Variants in DMD observed in about 807,000 individuals in gnomAD.
The protein encoded by DMD is mutant dystrophin.
DMD carries 63 observed loss-of-function variants against 330.1 expected under a neutral mutation model. The ratio of observed to expected loss-of-function variants is 0.19; its 90% CI spans 0.16 to 0.24. The LOEUF (loss-of-function observed/expected upper bound fraction) is 0.24. Ranked by LOEUF, DMD falls within the 10% of genes least tolerant of loss-of-function variation. The pLI is 1.00. For synonymous variants in DMD, 1,223 were observed against 959.8 expected, an observed-to-expected ratio of 1.27 and a Z score of -5.07; for missense variants, 3,344 against 2,684.1, an observed-to-expected ratio of 1.25 and a Z score of -5.43.
At chrX:32,277,163 C>A (rs1381531924) in intron 43 of DMD, among the ~76,000 whole-genome samples, 1 of 110,230 alleles carries the variant, frequency 9.1e-6, no homozygotes, top group Non-Finnish European at 1.9e-5. Flanking sequence ...AAATCGATAT[C>A]AGGACAAAAA....
chrX:32,020,511 G>A (rs1281439564), intron 44 of DMD, among the ~76,000 whole-genome samples: 1 of 111,730 alleles, frequency 9.0e-6, no homozygotes, highest in Non-Finnish European at 1.9e-5. Context: ...GTTCATATGG[G>A]TAGGACCTTA....
chrX:32,169,821 T>G (rs1011677122), intron 44 of DMD, among the ~76,000 whole-genome samples: 1 of 110,214 alleles, frequency 9.1e-6, no homozygotes, highest in Non-Finnish European at 1.9e-5. Flanking sequence ...TGTTGTGACA[T>G]TTTTTTCCTC....
chrX:32,689,786 T>C (rs2063139613), intron 9 of DMD, among the ~76,000 whole-genome samples: 1 of 110,974 alleles, frequency 9.0e-6, no homozygotes, highest in Non-Finnish European at 1.9e-5. Flanking sequence ...ACAGAATAAA[T>C]AAGAAGTCAC....
At chrX:32,962,681 AC>A (rs2091948878) in intron 2 of DMD, among the ~76,000 whole-genome samples, 1 of 111,876 alleles carries the variant, frequency 8.9e-6, no homozygotes, top group Admixed American at 9.5e-5. Context: ...TTTTATTAAA[AC>A]AAAATATGTC....
chrX:32,815,530 C>CACACAT (rs1183084731), intron 6 of DMD, among the ~76,000 whole-genome samples: 1 of 95,829 alleles, frequency 1.0e-5, no homozygotes, highest in African/African-American at 4.4e-5. Context: ...TACACACACA[C>CACACAT]ACACACATAT....
At chrX:32,641,408 G>GTA (rs72324944) in intron 11 of DMD, 7,681 of 94,027 alleles carry the variant, frequency 0.082, 272 homozygotes, top group East Asian at 0.16. Flanking sequence ...TATTTTATAC[G>GTA]TATATATATA....
intron 29 of DMD, among the ~76,000 whole-genome samples, chrX:32,423,998 T>G (rs187288812): frequency 9.0e-6 from 1 of 111,456 alleles, no homozygotes; most frequent in African/African-American, 3.3e-5. Flanking sequence ...TCTATTTTTC[T>G]TACATTAAAG....
chrX:31,294,922 G>A (rs1403591763), intron 62 of DMD, among the ~76,000 whole-genome samples: 1 of 112,439 alleles, frequency 8.9e-6, no homozygotes, highest in Admixed American at 9.4e-5. Flanking sequence ...TCATATTCAT[G>A]TGTGTTTCAG....
At chrX:31,820,752 C>A (rs1309809990) in intron 49 of DMD, among the ~76,000 whole-genome samples, 6 of 111,632 alleles carry the variant, frequency 5.4e-5, no homozygotes, top group Non-Finnish European at 1.1e-4. Flanking sequence ...AGGGCTACTT[C>A]AGCTGCAGAG....
intron 63 of DMD, among the ~76,000 whole-genome samples, chrX:31,248,564 T>A (rs911578961): frequency 2.7e-5 from 3 of 111,983 alleles, no homozygotes; most frequent in Non-Finnish European, 5.6e-5. Flanking sequence ...TCCCGAAATA[T>A]CTGCATAGAG....
intron 1 of DMD, among the ~76,000 whole-genome samples, chrX:33,077,232 G>A (rs2094856961): frequency 9.0e-6 from 1 of 111,365 alleles, no homozygotes; most frequent in Non-Finnish European, 1.9e-5. Flanking sequence ...CAAGTCCCAG[G>A]CAAGAAGGAA....
chrX:32,500,114 G>T (rs973566122), intron 19 of DMD, among the ~76,000 whole-genome samples: 1 of 110,347 alleles, frequency 9.1e-6, no homozygotes, highest in Non-Finnish European at 1.9e-5. Context: ...AACCAAACAG[G>T]AATGTCTCAA....
At chrX:33,179,517 C>G (rs994691517) in intron 1 of DMD, among the ~76,000 whole-genome samples, 1 of 109,370 alleles carries the variant, frequency 9.1e-6, no homozygotes, top group Non-Finnish European at 1.9e-5. Context: ...CGCAGTGAAA[C>G]CCCGTTTCTA....
At position 32,764,957 on chromosome X, in the gene DMD, G is replaced by GTT. The variant is rs35691071; in HGVS notation, c.649+44534_649+44535dup. Among the ~76,000 whole-genome samples, 13 of 91,933 alleles carry GTT rather than the reference G, an allele frequency of 1.4e-4. No individual in the cohort carries two copies. In the East Asian group the frequency reaches 2.5e-3, roughly 18 times the overall value. 79.8% of individuals were successfully genotyped at this position (91,933 alleles called of 115,157 possible). On this transcript the variant is annotated intron_variant, in intron 7 of 78. Coordinates refer to ENST00000357033, the MANE Select transcript of DMD (RefSeq NM_004006.3). ...ATCCTCAACCATATTTATTTTCTGG[G>GTT]TTTTTTTTTTTTTTTTTGGTGTTTT...
chrX:32,837,364 C>G (rs777770029), intron 4 of DMD, among the ~76,000 whole-genome samples: 2 of 111,468 alleles, frequency 1.8e-5, no homozygotes, highest in East Asian at 5.7e-4. Flanking sequence ...TATGGAGAGA[C>G]TAAGGTATCA....
In DMD at chrX:31,657,987, T is replaced by C. The variant is rs761660964; in HGVS notation, c.8027+3A>G. 7 of 1,207,445 alleles carry C rather than the reference T, an allele frequency of 5.8e-6. No homozygotes were observed. The highest frequency in any genetic ancestry group is 4.3e-5 in the Admixed American group (2 of 46,011). On this transcript the variant is annotated splice_donor_region_variant and intron_variant, in intron 54 of 78. Transcript: ENST00000357033. ...GTAGTTTTAGAAATAATGTAATTCA[T>C]ACCTTTTATGAATGCTTCTCCAAGA...
intron 2 of DMD, among the ~76,000 whole-genome samples, chrX:32,914,783 C>T (rs2070518941): frequency 8.9e-6 from 1 of 112,101 alleles, no homozygotes; most frequent in Non-Finnish European, 1.9e-5. Flanking sequence ...AATATGAGTC[C>T]CAAATATCTT....
At chrX:31,167,362 A>G (rs1457365785) in intron 74 of DMD, among the ~76,000 whole-genome samples, 1 of 111,839 alleles carries the variant, frequency 8.9e-6, no homozygotes, top group Non-Finnish European at 1.9e-5. Flanking sequence ...AAATGATAAA[A>G]TGATAAATAA....
At chrX:32,481,021 A>C (rs1199610464) in intron 21 of DMD, among the ~76,000 whole-genome samples, 1 of 110,647 alleles carries the variant, frequency 9.0e-6, no homozygotes, top group African/African-American at 3.3e-5. Context: ...AATTTCCTGA[A>C]CTGCAGCTAG....
Sources: gnomAD v4.1 joint callset for allele counts (sites outside exome capture counted in the v4.1 genomes callset) on GRCh38, gnomAD v4.1.1 for gene constraint, MANE v1.5 for transcripts, NCBI Gene and HGNC (gene_info 2026-07-23, HGNC 2026-07-21) for gene names.